RSU1: variants seen among roughly 807,000 people sequenced by gnomAD.
The protein encoded by RSU1 is rsu-1.
A neutral mutation model predicts 31.1 loss-of-function variants in RSU1; 26 were observed. That is an observed-to-expected ratio of 0.84 (90% CI 0.61 to 1.16). RSU1 has a LOEUF of 1.16. RSU1 is among the 50% of genes most tolerant of loss of function. The pLI is 0.00. For missense variants in RSU1, 320 were observed against 339.1 expected, an observed-to-expected ratio of 0.94 and a Z score of 0.44; for synonymous variants, 164 against 136.3, an observed-to-expected ratio of 1.20 and a Z score of -1.41.
intron 8 of RSU1, among the ~76,000 whole-genome samples, chr10:16,622,387 T>C (rs551128609): frequency 6.2e-4 from 94 of 152,210 alleles, no homozygotes; most frequent in Non-Finnish European, 1.1e-3. Flanking sequence ...TCAGAACCAT[T>C]GCATTAGGGA....
chr10:16,797,768 A>T (rs1164071272), intron 2 of RSU1, among the ~76,000 whole-genome samples: 1 of 152,168 alleles, frequency 6.6e-6, no homozygotes, highest in African/African-American at 2.4e-5. Context: ...TATTTCAGAA[A>T]TGAAAGCTAA....
At chr10:16,656,010 A>ATT (rs35171054) in intron 8 of RSU1, among the ~76,000 whole-genome samples, 1 of 149,668 alleles carries the variant, frequency 6.7e-6, no homozygotes, top group Non-Finnish European at 1.5e-5. Flanking sequence ...TTCTTAATAT[A>ATT]TTTCTCATTA....
chr10:16,809,986 C>CGGCGGGGGG (rs1838370886), intron 2 of RSU1, among the ~76,000 whole-genome samples: 1 of 76,964 alleles, frequency 1.3e-5, no homozygotes, highest in Non-Finnish European at 2.7e-5. Flanking sequence ...TTTGGGAGGC[C>CGGCGGGGGG]GGGGGTGGGG....
chr10:16,630,160 C>T (rs1834225316), intron 8 of RSU1, among the ~76,000 whole-genome samples: 1 of 152,082 alleles, frequency 6.6e-6, no homozygotes, highest in African/African-American at 2.4e-5. Context: ...CCTGCATCGG[C>T]CTCTCAAAGT....
At chr10:16,602,220 C>A (rs937351847) in intron 8 of RSU1, among the ~76,000 whole-genome samples, 3 of 152,214 alleles carry the variant, frequency 2.0e-5, no homozygotes, top group Non-Finnish European at 4.4e-5. Flanking sequence ...ATCAGGATCT[C>A]ATCACTAAGT....
chr10:16,639,335 C>G (rs1341862531), intron 8 of RSU1, among the ~76,000 whole-genome samples: 1 of 152,160 alleles, frequency 6.6e-6, no homozygotes, highest in African/African-American at 2.4e-5. Context: ...TTAAATTTCC[C>G]TCAAACCATT....
intron 8 of RSU1, among the ~76,000 whole-genome samples, chr10:16,685,141 T>G (rs762905003): frequency 3.3e-5 from 5 of 152,094 alleles, no homozygotes; most frequent in Non-Finnish European, 5.9e-5. Flanking sequence ...CCCCAGGTAC[T>G]CGGGAGACCG....
rs191321319 is a variant in RSU1 at position 16,639,225 on chromosome 10, C to T, written c.732-45729G>A. 1.1e-3 allele frequency among the ~76,000 whole-genome samples: 169 copies of T among 152,312 alleles called. 1 individual carries two copies. Among genetic ancestry groups the T allele is most frequent in the South Asian group, 2.7e-3 (13 of 4,832 alleles). On this transcript the variant is annotated intron_variant, in intron 8 of 8. Transcript: ENST00000345264. ...GTGTGATCAAAATCACACGTGACTC[C>T]GGCCTATTAAACAATAACGTATTAA... is the stretch of plus-strand genomic sequence containing the variant.
At chr10:16,728,219 A>C (rs1022195636) in intron 7 of RSU1, among the ~76,000 whole-genome samples, 2 of 152,182 alleles carry the variant, frequency 1.3e-5, no homozygotes, top group Admixed American at 6.6e-5. Flanking sequence ...CAACAGCGAA[A>C]AGCATGCCAT....
intron 7 of RSU1, among the ~76,000 whole-genome samples, chr10:16,728,916 G>A (rs1423141160): frequency 1.3e-5 from 2 of 152,206 alleles, no homozygotes; most frequent in Non-Finnish European, 2.9e-5. Flanking sequence ...GAAGTGACTT[G>A]GGTGACATGT....
At chr10:16,601,344 T>C (rs920010739) in intron 8 of RSU1, among the ~76,000 whole-genome samples, 1 of 152,236 alleles carries the variant, frequency 6.6e-6, no homozygotes, top group Admixed American at 6.5e-5. Flanking sequence ...GTAGAAGTTC[T>C]TAGCCTAGGA....
intron 8 of RSU1, among the ~76,000 whole-genome samples, chr10:16,631,141 C>T (rs1834238888): frequency 6.6e-6 from 1 of 152,216 alleles, no homozygotes; most frequent in Admixed American, 6.5e-5. Context: ...CAACTGTCTG[C>T]TAGCAAACCA....
chr10:16,763,516 T>C (rs750713983), intron 4 of RSU1, among the ~76,000 whole-genome samples: 29 of 152,216 alleles, frequency 1.9e-4, no homozygotes, highest in Non-Finnish European at 3.4e-4. Context: ...TGCTAAACCA[T>C]TCAGGAGAGC....
intron 8 of RSU1, among the ~76,000 whole-genome samples, chr10:16,594,072 G>C (rs951167868): frequency 2.0e-5 from 3 of 152,238 alleles, no homozygotes; most frequent in East Asian, 1.9e-4. Context: ...AGCTGGCTCC[G>C]TGGCTGAGAG....
intron 2 of RSU1, among the ~76,000 whole-genome samples, chr10:16,803,369 C>T (rs1385048204): frequency 6.6e-6 from 1 of 152,156 alleles, no homozygotes; most frequent in African/African-American, 2.4e-5. Flanking sequence ...CCTAAATAAA[C>T]AATGAGATAC....
intron 8 of RSU1, among the ~76,000 whole-genome samples, chr10:16,636,902 GCCAT>G: frequency 6.6e-6 from 1 of 152,090 alleles, no homozygotes; most frequent in Non-Finnish European, 1.5e-5. Context: ...ACAATACACA[GCCAT>G]CTGTTCACTG....
intron 7 of RSU1, among the ~76,000 whole-genome samples, chr10:16,712,552 G>C (rs1029184997): frequency 1.3e-5 from 2 of 152,050 alleles, no homozygotes; most frequent in Admixed American, 1.3e-4. Context: ...AGTTACAATA[G>C]ACTACATCAA....
intron 7 of RSU1, among the ~76,000 whole-genome samples, chr10:16,698,706 A>G (rs531103392): frequency 5.9e-4 from 90 of 152,354 alleles, no homozygotes; most frequent in African/African-American, 2.1e-3. Flanking sequence ...ACTGGAGCAC[A>G]CAGGAGACGC....
At chr10:16,709,520 A>T (rs1368401943) in intron 7 of RSU1, among the ~76,000 whole-genome samples, 2 of 152,188 alleles carry the variant, frequency 1.3e-5, no homozygotes, top group Non-Finnish European at 2.9e-5. Flanking sequence ...CAGCAATGGG[A>T]TGGCTGGGTC....
Sources: allele counts gnomAD v4.1 joint callset (sites outside exome capture counted in the v4.1 genomes callset), GRCh38; gene constraint gnomAD v4.1.1; transcripts MANE v1.5; gene names NCBI Gene and HGNC (gene_info 2026-07-23, HGNC 2026-07-21).